Variants in AP1S2 observed in about 807,000 individuals in gnomAD.
The protein encoded by AP1S2 is AP-1 complex subunit sigma-2.
Under a neutral mutation model 14.3 loss-of-function variants are expected in AP1S2, and 1 was observed. The observed-to-expected ratio is 0.07, with a 90% CI of 0.02 to 0.33. The LOEUF is 0.33. Among genes scored for constraint, AP1S2 ranks in the 10% least tolerant of loss-of-function variants. The pLI is 0.99. For missense variants in AP1S2, 30 were observed against 117.7 expected (o/e 0.25, Z 3.45); for synonymous variants, 30 against 40.5 (o/e 0.74, Z 0.99).
Position 15,826,358 on chromosome X carries a change from G to C in AP1S2, c.*967C>G, listed in dbSNP as rs766027688. 8.9e-6 allele frequency: 1 copy of C among 111,919 alleles called. No homozygotes were observed. Among genetic ancestry groups the C allele is most frequent in the South Asian group, 3.7e-4 (1 of 2,719 alleles). The allele number at this position is 111,919 out of a possible 1,213,427, so 9.2% of individuals were successfully genotyped here. A position where few individuals can be genotyped will look rare whatever the true frequency, so the allele number is the denominator to read the frequency against. On this transcript the variant is annotated 3_prime_UTR_variant, in exon 6 of 6. Coordinates refer to ENST00000672987, the MANE Select transcript of AP1S2 (RefSeq NM_001272071.2). The stretch of plus-strand genomic sequence containing the variant: ...ATTTTTATAAGACTTCTGTTAACTA[G>C]GCAGTGCCATGGAAAGAAAGGAAGC...
intron 4 of AP1S2, chrX:15,833,652 T>G (rs925541100): frequency 5.6e-5 from 14 of 248,629 alleles, no homozygotes; most frequent in Middle Eastern, 2.2e-3. Flanking sequence ...TAAGGACCAC[T>G]TAACATTTAA....
chrX:15,848,850 G>A (rs1379163623), intron 2 of AP1S2, among the ~76,000 whole-genome samples: 1 of 112,394 alleles, frequency 8.9e-6, no homozygotes, highest in African/African-American at 3.2e-5. Flanking sequence ...TCAGCTGACT[G>A]TGGGTGAATG....
chrX:15,833,099 C>T, intron 4 of AP1S2: 14 of 1,009,131 alleles, frequency 1.4e-5, no homozygotes, highest in Non-Finnish European at 1.6e-5. Flanking sequence ...CTAAATAATA[C>T]CAGTTCTTTG....
intron 4 of AP1S2, chrX:15,830,292 A>C (rs981113212): frequency 5.3e-6 from 4 of 749,813 alleles, no homozygotes; most frequent in Non-Finnish European, 6.3e-6. Flanking sequence ...ATAGAAATGA[A>C]AGACCAATGT....
chrX:15,835,334 G>T, intron 4 of AP1S2, among the ~76,000 whole-genome samples: 1 of 111,825 alleles, frequency 8.9e-6, no homozygotes, highest in African/African-American at 3.2e-5. Context: ...TCACATTCTA[G>T]AACACAATGG....
At chrX:15,847,233 C>T (rs1218769949) in intron 2 of AP1S2, among the ~76,000 whole-genome samples, 1 of 110,940 alleles carries the variant, frequency 9.0e-6, no homozygotes, top group African/African-American at 3.3e-5. Context: ...CACACAACAG[C>T]ATTAATTTCA....
chrX:15,845,414 G>A lies in AP1S2; in HGVS notation c.391C>T (p.Leu131Phe). 8.3e-7 allele frequency: 1 copy of A among 1,210,150 alleles called. No individual in the cohort carries two copies. Among genetic ancestry groups the A allele is most frequent in the Non-Finnish European group, 1.1e-6 (1 of 895,038 alleles). ...EVQETSKKNV[L>F]KAIEQADLLQ... Reference sequence around the variant, plus strand: ...AGATCAGCCTGCTCAATTGCTTTAAGGACATTTTTCTTGGATGTTTCCTGA... The same window carrying A: ...AGATCAGCCTGCTCAATTGCTTTAAAGACATTTTTCTTGGATGTTTCCTGA... Residue 131 changes from leucine (L) to phenylalanine (F), a missense_variant, in exon 4 of 6, where the codon CTT becomes TTT. Leu to Phe is a conservative substitution (Grantham distance 22). Coordinates refer to ENST00000672987, the MANE Select transcript of AP1S2 (RefSeq NM_001272071.2).
intron 2 of AP1S2, 47 bp from the exon 3 acceptor site, chrX:15,846,058 G>T: frequency 1.1e-6 from 1 of 905,929 alleles, no homozygotes; most frequent in South Asian, 2.0e-5. Flanking sequence ...CTATAATGAT[G>T]TTTTCTAAAT....
chrX:15,845,328 C>T (rs746104268), intron 4 of AP1S2, 51 bp downstream of exon 4: 1 of 1,205,280 alleles, frequency 8.3e-7, no homozygotes, highest in Admixed American at 2.2e-5. Flanking sequence ...TGAGACTTCC[C>T]CAGCAAGAGC....
intron 4 of AP1S2, 64 bp downstream of exon 4, chrX:15,845,315 G>T: frequency 8.3e-7 from 1 of 1,202,213 alleles, no homozygotes; most frequent in South Asian, 1.8e-5. Flanking sequence ...TAAGAATGAT[G>T]AATGAGACTT....
At chrX:15,828,768 T>TA (rs200941651) in intron 4 of AP1S2, among the ~76,000 whole-genome samples, 1,801 of 95,940 alleles carry the variant, frequency 0.019, 38 homozygotes, top group African/African-American at 0.059. Context: ...TGACCTCGTT[T>TA]TAAAAAAAAA....
chrX:15,828,790 C>A (rs922230424), intron 4 of AP1S2, among the ~76,000 whole-genome samples: 1 of 108,497 alleles, frequency 9.2e-6, no homozygotes, highest in Non-Finnish European at 1.9e-5. Flanking sequence ...AATGGCAAGG[C>A]GGGAAAAAGC....
At chrX:15,828,485 G>A (rs1038557868) in intron 4 of AP1S2, among the ~76,000 whole-genome samples, 7 of 111,619 alleles carry the variant, frequency 6.3e-5, no homozygotes, top group Non-Finnish European at 1.1e-4. Context: ...ATTATTAAAC[G>A]CAAGTACTAT....
chrX:15,838,336 G>A (rs1933717263), intron 4 of AP1S2, among the ~76,000 whole-genome samples: 1 of 111,344 alleles, frequency 9.0e-6, no homozygotes, highest in African/African-American at 3.3e-5. Flanking sequence ...TCTAGTTGGT[G>A]GGTAAGATTA....
At chrX:15,828,931 G>A (rs941150306) in intron 4 of AP1S2, among the ~76,000 whole-genome samples, 9 of 111,552 alleles carry the variant, frequency 8.1e-5, no homozygotes, top group African/African-American at 2.6e-4. Context: ...AGGAAAAATT[G>A]AGCCAGGCAT....
chrX:15,843,167 C>A (rs1470457982), intron 4 of AP1S2, among the ~76,000 whole-genome samples: 1 of 112,007 alleles, frequency 8.9e-6, no homozygotes, highest in Non-Finnish European at 1.9e-5. Context: ...ATGTTCTTAT[C>A]CCCTAGTACA....
At chrX:15,839,228 T>C (rs1334160475) in intron 4 of AP1S2, among the ~76,000 whole-genome samples, 3 of 111,918 alleles carry the variant, frequency 2.7e-5, no homozygotes, top group Non-Finnish European at 5.6e-5. Context: ...AATAAAAGAC[T>C]ATAGTCTTGT....
intron 4 of AP1S2, among the ~76,000 whole-genome samples, chrX:15,840,209 ATTACT>A (rs904314922): frequency 8.0e-5 from 9 of 112,204 alleles, no homozygotes; most frequent in Admixed American, 6.6e-4. Flanking sequence ...CATTTCACAG[ATTACT>A]TTAGTGAGAA....
chrX:15,844,863 G>A (rs1414037211), intron 4 of AP1S2: 1 of 385,472 alleles, frequency 2.6e-6, no homozygotes, highest in Non-Finnish European at 3.3e-6. Context: ...AAAAAAACCT[G>A]GAAGTTTCTA....
Sources: allele counts gnomAD v4.1 joint callset (sites outside exome capture counted in the v4.1 genomes callset), GRCh38; gene constraint gnomAD v4.1.1; transcripts MANE v1.5; gene names NCBI Gene and HGNC (gene_info 2026-07-23, HGNC 2026-07-21).